Variants in ZFYVE27 observed in about 807,000 individuals in gnomAD.
ZFYVE27 encodes the protein protrudin.
A neutral mutation model predicts 52.8 loss-of-function variants in ZFYVE27; 36 were observed. The ratio of observed to expected loss-of-function variants is 0.68; its 90% CI spans 0.52 to 0.90. The LOEUF (loss-of-function observed/expected upper bound fraction) is 0.90, where lower values mean the gene tolerates loss of function less well. Among genes scored for constraint, ZFYVE27 ranks in the 40% least tolerant of loss-of-function variants. The probability of loss-of-function intolerance (pLI) is 0.00; values close to 1 mark genes in which losing one functional copy is unlikely to be tolerated. For missense variants in ZFYVE27, 450 were observed against 527.2 expected, an observed-to-expected ratio of 0.85 and a Z score of 1.43; for synonymous variants, 223 against 215.6, an observed-to-expected ratio of 1.03 and a Z score of -0.30.
At chr10:97,740,413 C>A (rs1179270213) in intron 2 of ZFYVE27, among the ~76,000 whole-genome samples, 1 of 152,220 alleles carries the variant, frequency 6.6e-6, no homozygotes, top group African/African-American at 2.4e-5. Context: ...CTTTTATAAT[C>A]TCAGCATGAT....
chr10:97,740,333 C>A (rs1290607035), intron 2 of ZFYVE27, among the ~76,000 whole-genome samples: 1 of 152,242 alleles, frequency 6.6e-6, no homozygotes. Flanking sequence ...GAGCTGTGTT[C>A]TCTACTGTAA....
At chr10:97,749,667 C>G (rs895844069) in intron 6 of ZFYVE27, 81 bp downstream of exon 6, 4 of 1,132,490 alleles carry the variant, frequency 3.5e-6, no homozygotes, top group Non-Finnish European at 5.4e-6. Flanking sequence ...TCTGTCTCTA[C>G]AGCTAATCAT....
chr10:97,759,520 A>G lies in ZFYVE27; in HGVS notation c.*220A>G, dbSNP rs1299142832. On this transcript the variant is annotated 3_prime_UTR_variant, in exon 13 of 13. Coordinates refer to ENST00000684270, the MANE Select transcript of ZFYVE27 (RefSeq NM_001385875.1). Reference sequence around the variant, plus strand: ...GCTGCTCTCAATCCCTTGAGGGAGAAGAGCCCCTGGAGGGCCTGGCATGTT... The same window carrying G: ...GCTGCTCTCAATCCCTTGAGGGAGAGGAGCCCCTGGAGGGCCTGGCATGTT... 9.6e-6 allele frequency: 6 copies of G among 626,026 alleles called. No individual in the cohort carries two copies. Among genetic ancestry groups the G allele is most frequent in the Non-Finnish European group, 1.2e-5 (4 of 344,378 alleles). The allele number at this position is 626,026 out of a possible 1,614,324, so 38.8% of individuals were successfully genotyped here.
At chr10:97,744,681 C>A (rs748441332) in intron 3 of ZFYVE27, 48 bp from the exon 4 acceptor site, 1 of 1,608,552 alleles carries the variant, frequency 6.2e-7, no homozygotes, top group Non-Finnish European at 8.5e-7. Flanking sequence ...TGGGCCGACT[C>A]CTGGTCTTTG....
chr10:97,739,543 A>G (rs1161446868), intron 2 of ZFYVE27, among the ~76,000 whole-genome samples: 1 of 152,122 alleles, frequency 6.6e-6, no homozygotes, highest in Non-Finnish European at 1.5e-5. Flanking sequence ...TTATCTCTAA[A>G]TAAGGACATT....
intron 11 of ZFYVE27, 47 bp downstream of exon 11, chr10:97,757,358 C>A: frequency 6.2e-7 from 1 of 1,613,444 alleles, no homozygotes; most frequent in African/African-American, 1.3e-5. Context: ...GTCCTTGGGA[C>A]TGTCGGGTGG....
chr10:97,750,469 A>C lies in ZFYVE27; in HGVS notation c.803A>C (p.Glu268Ala). 1 of 1,613,944 alleles carries C rather than the reference A, an allele frequency of 6.2e-7. No individual in the cohort carries two copies. Among genetic ancestry groups the C allele is most frequent in the Non-Finnish European group, 8.5e-7 (1 of 1,180,002 alleles). Residue 268 changes from glutamate to alanine, a missense_variant and splice_region_variant, in exon 7 of 13, where the codon GAG (glutamate) becomes GCG (alanine). Glu to Ala is a moderately radical substitution (Grantham distance 107). Transcript: ENST00000684270. ...AGCACGCCTGCCCTCACACCCACGG[A>C]GGTAAGTGCCACTGTCAGGGCAGAG... ...MDSTPALTPT[E>A]DLTPGSVEEA... is the part of the protein sequence containing the mutation.
chr10:97,751,419 C>G lies in ZFYVE27; in HGVS notation c.833C>G (p.Ala278Gly). 1 of 1,613,914 alleles carries G rather than the reference C, an allele frequency of 6.2e-7. No homozygotes were observed. The highest frequency in any genetic ancestry group is 8.5e-7 in the Non-Finnish European group (1 of 1,179,872). Residue 278 changes from alanine (A) to glycine (G), a missense_variant, in exon 8 of 13, where the codon GCT becomes GGT. Coordinates refer to ENST00000684270, the MANE Select transcript of ZFYVE27 (RefSeq NM_001385875.1). ...CTCACACCGGGCAGCGTGGAGGAGGCTGAGGAGGCTGAGCCAGATGAAGAG... is the reference window on the plus strand; with the variant it reads ...CTCACACCGGGCAGCGTGGAGGAGGGTGAGGAGGCTGAGCCAGATGAAGAG... Reference protein sequence around the residue: ...EDLTPGSVEEAEEAEPDEEFK... With the variant: ...EDLTPGSVEEGEEAEPDEEFK...
At chr10:97,740,132 A>G (rs921372883) in intron 2 of ZFYVE27, among the ~76,000 whole-genome samples, 1 of 152,256 alleles carries the variant, frequency 6.6e-6, no homozygotes, top group Non-Finnish European at 1.5e-5. Context: ...TCTGAAATAC[A>G]TGAGAGAGAC....
intron 4 of ZFYVE27, among the ~76,000 whole-genome samples, chr10:97,745,488 C>T (rs2045022534): frequency 6.6e-6 from 1 of 152,188 alleles, no homozygotes; most frequent in Admixed American, 6.5e-5. Flanking sequence ...CCTGTTCTTT[C>T]TGCTGGAGAG....
chr10:97,749,103 C>T (rs190732529), intron 5 of ZFYVE27, among the ~76,000 whole-genome samples: 9 of 152,292 alleles, frequency 5.9e-5, no homozygotes, highest in African/African-American at 9.6e-5. Flanking sequence ...CCATCTTACA[C>T]GGGAAGGGAG....
At position 97,749,525 on chromosome 10, in the gene ZFYVE27, C is replaced by G. The variant is rs555148741; in HGVS notation, c.603C>G (p.Leu201=). 1.5e-5 allele frequency: 25 copies of G among 1,614,206 alleles called. 1 individual carries two copies. Among genetic ancestry groups the G allele is most frequent in the Non-Finnish European group, 7.6e-6 (9 of 1,180,044 alleles). The change falls in exon 6 of 13, where the codon CTC becomes CTG. Residue 201 remains leucine, a synonymous_variant. Transcript: ENST00000684270. The part of the protein sequence containing the change: ...GTVCMLYLLP[L]CWVLTLLNST... Reference sequence around the variant, plus strand: ...TCTGCATGCTGTATTTGCTGCCACTCTGCTGGGTTCTCACCCTTTTAAACA... The same window carrying G: ...TCTGCATGCTGTATTTGCTGCCACTGTGCTGGGTTCTCACCCTTTTAAACA...
intron 8 of ZFYVE27, 152 bp from the exon 9 acceptor site, chr10:97,752,705 C>T (rs555666256): frequency 1.4e-5 from 12 of 842,606 alleles, no homozygotes; most frequent in Admixed American, 4.4e-5. Context: ...TTGTGGGGGG[C>T]GTCTGTCAAT....
intron 2 of ZFYVE27, 171 bp downstream of exon 2, chr10:97,738,845 C>A: frequency 1.4e-6 from 1 of 705,442 alleles, no homozygotes; most frequent in Non-Finnish European, 2.5e-6. Flanking sequence ...CCCTGTGTCT[C>A]AGGCCCAGCC....
chr10:97,748,291 C>A lies in ZFYVE27; in HGVS notation c.478C>A (p.Leu160Met). 1 of 1,614,152 alleles carries A rather than the reference C, an allele frequency of 6.2e-7. No homozygotes were observed. The highest frequency in any genetic ancestry group is 8.5e-7 in the Non-Finnish European group (1 of 1,180,042). ...TAGCTTGATCCAGCTGGAGGCCTTC[C>A]TGAGCCGCCTGTGCTGCACATGTGA... The part of the protein sequence containing the change: ...KSFLIQLEAF[L>M]SRLCCTCEAA... The change falls in exon 5 of 13, where the codon CTG (leucine) becomes ATG (methionine). Residue 160 changes from leucine to methionine, a missense_variant. Physicochemically the swap from Leu to Met is conservative, Grantham distance 15. Coordinates refer to ENST00000684270, the MANE Select transcript of ZFYVE27 (RefSeq NM_001385875.1).
chr10:97,760,230 G>A lies in ZFYVE27; in HGVS notation c.*930G>A, dbSNP rs1414056233. ...AGAGGTCCTGAAGCCCTTGACCCCTGGGGGCCTGGGTAGTGTAGGATCTCG... is the reference window on the plus strand; with the variant it reads ...AGAGGTCCTGAAGCCCTTGACCCCTAGGGGCCTGGGTAGTGTAGGATCTCG... On this transcript the variant is annotated 3_prime_UTR_variant, in exon 13 of 13. Transcript: ENST00000684270. 6.6e-6 allele frequency: 1 copy of A among 152,330 alleles called. No homozygotes were observed. The highest frequency in any genetic ancestry group is 1.5e-5 in the Non-Finnish European group (1 of 68,112). The allele number at this position is 152,330 out of a possible 1,614,324, so 9.4% of individuals were successfully genotyped here.
chr10:97,759,151 G>A, intron 12 of ZFYVE27, 85 bp from the exon 13 acceptor site: 2 of 1,464,318 alleles, frequency 1.4e-6, no homozygotes, highest in South Asian at 2.3e-5. Context: ...TCTGTGTGGG[G>A]CATTTGGGAG....
At chr10:97,743,763 A>C (rs1291042002) in intron 3 of ZFYVE27, among the ~76,000 whole-genome samples, 2 of 152,164 alleles carry the variant, frequency 1.3e-5, no homozygotes, top group African/African-American at 4.8e-5. Context: ...TTGAGATAGA[A>C]GTGTGGACAC....
Position 97,748,354 on chromosome 10 carries a change from G to C in ZFYVE27, c.541G>C (p.Val181Leu). The C allele has an allele frequency of 1.2e-6, 2 of 1,614,010 alleles. No homozygotes were observed. The highest frequency in any genetic ancestry group is 8.5e-7 in the Non-Finnish European group (1 of 1,179,994). The change falls in exon 5 of 13, where the codon GTG becomes CTG. Residue 181 changes from valine (V) to leucine (L), a missense_variant. By Grantham distance (32) the Val-to-Leu change is conservative (BLOSUM62 1). Coordinates refer to ENST00000684270, the MANE Select transcript of ZFYVE27 (RefSeq NM_001385875.1). ...YRVLHWENPV[V>L]SSQFYGALLG... ...CGTGCTGCACTGGGAGAACCCCGTC[G>C]TGTCCTCACAGTGAGTGACCCCTCC... is the stretch of plus-strand genomic sequence containing the variant.
Sources: allele counts gnomAD v4.1 joint callset (sites outside exome capture counted in the v4.1 genomes callset), GRCh38; gene constraint gnomAD v4.1.1; transcripts MANE v1.5; gene names NCBI Gene and HGNC (gene_info 2026-07-23, HGNC 2026-07-21).